The following CMPK2 variants were observed in gnomAD, a reference collection of about 807,000 sequenced individuals.
CMPK2 encodes cytidine/uridine monophosphate kinase 2, also known as UMP-CMP kinase 2, mitochondrial.
A neutral mutation model predicts 33.4 loss-of-function variants in CMPK2; 32 were observed. The observed-to-expected ratio is 0.96, with a 90% CI of 0.72 to 1.29. The LOEUF (loss-of-function observed/expected upper bound fraction) is 1.29, where lower values mean the gene tolerates loss of function less well. Ranked by LOEUF, CMPK2 falls within the 50% of genes most tolerant of loss-of-function variation. The pLI, the probability that CMPK2 is intolerant of heterozygous loss-of-function variation, is 0.00. For missense variants in CMPK2, 672 were observed against 616.0 expected (o/e 1.09, Z -0.96); for synonymous variants, 299 against 275.3 (o/e 1.09, Z -0.85).
chr2:6,860,172 A>G (rs1046900211), intron 3 of CMPK2, among the ~76,000 whole-genome samples: 1 of 152,206 alleles, frequency 6.6e-6, no homozygotes, highest in South Asian at 2.1e-4. Flanking sequence ...GCCTCACTGT[A>G]TCTAGGAAAT....
intron 3 of CMPK2, among the ~76,000 whole-genome samples, chr2:6,853,018 C>A (rs1224518848): frequency 6.6e-6 from 1 of 152,182 alleles, no homozygotes; most frequent in Non-Finnish European, 1.5e-5. Flanking sequence ...GGCACGATCT[C>A]AGCTCACTGC....
At chr2:6,840,776 C>T (rs1662210212) in intron 3 of CMPK2, 3 of 671,992 alleles carry the variant, frequency 4.5e-6, no homozygotes, top group Non-Finnish European at 8.1e-6. Context: ...ATTCTGATAA[C>T]TGTTTTAATT....
intron 3 of CMPK2, among the ~76,000 whole-genome samples, chr2:6,856,347 C>T (rs1662703175): frequency 6.6e-6 from 1 of 152,172 alleles, no homozygotes; most frequent in Non-Finnish European, 1.5e-5. Flanking sequence ...TAATATATGG[C>T]TATGGCAGTT....
chr2:6,855,314 T>C (rs1241059043), intron 3 of CMPK2, among the ~76,000 whole-genome samples: 3 of 48,140 alleles, frequency 6.2e-5, no homozygotes, highest in African/African-American at 1.1e-4. Flanking sequence ...CTCTCTCGCC[T>C]CTGCCTCTGC....
At position 6,861,288 on chromosome 2, in the gene CMPK2, A is replaced by G; in HGVS notation, c.888T>C (p.Asp296=). Residue 296 remains aspartate (D), a synonymous_variant, in exon 3 of 5, where the codon GAT becomes GAC. Transcript: ENST00000256722. ...CTCTTCTAATGATAGTTGGTTCATC[A>G]TCAAAGATCTTCCTCCACTGGCCAA... ...SCIGQWRKIF[D]DEPTIIRRAF... 1 of 1,614,122 alleles carries G rather than the reference A, an allele frequency of 6.2e-7. No individual in the cohort carries two copies. The highest frequency in any genetic ancestry group is 8.5e-7 in the Non-Finnish European group (1 of 1,179,972).
downstream of CMPK2, among the ~76,000 whole-genome samples, chr2:6,846,743 C>T (rs1297412369): frequency 6.6e-6 from 1 of 152,188 alleles, no homozygotes; most frequent in East Asian, 1.9e-4. Flanking sequence ...CTTCCAATCC[C>T]ACATGATGGC....
intron 3 of CMPK2, among the ~76,000 whole-genome samples, chr2:6,859,448 G>A (rs113893505): frequency 0.013 from 2,012 of 152,120 alleles, 51 homozygotes; most frequent in African/African-American, 0.047. Flanking sequence ...GGTTTAGAAG[G>A]AAAAAAATGG....
At chr2:6,859,293 C>T (rs959786668) in intron 3 of CMPK2, among the ~76,000 whole-genome samples, 21 of 152,140 alleles carry the variant, frequency 1.4e-4, no homozygotes, top group African/African-American at 4.3e-4. Context: ...AAAGAAAATC[C>T]CATTTTCTGA....
intron 3 of CMPK2, among the ~76,000 whole-genome samples, chr2:6,858,825 T>A (rs1210771747): frequency 6.6e-6 from 1 of 152,122 alleles, no homozygotes; most frequent in Non-Finnish European, 1.5e-5. Flanking sequence ...AGAAGTGGGG[T>A]GCTGCTGAAA....
intron 1 of CMPK2, among the ~76,000 whole-genome samples, 162 bp from the exon 2 acceptor site, chr2:6,863,740 AC>A (rs1368758057): frequency 6.6e-6 from 1 of 152,198 alleles, no homozygotes; most frequent in Non-Finnish European, 1.5e-5. Flanking sequence ...GCTAGGATGG[AC>A]TGGAGTGTTT....
Position 6,848,602 on chromosome 2 carries a change from A to G in CMPK2, c.*1248T>C. ...TAACATGAAACTTTATTAGAATTTA[A>G]GATTCTATATGCAGACCTGATAAAG... On this transcript the variant is annotated 3_prime_UTR_variant, in exon 5 of 5. Coordinates refer to ENST00000256722, the MANE Select transcript of CMPK2 (RefSeq NM_207315.4). 1 of 963,452 alleles carries G rather than the reference A, an allele frequency of 1.0e-6. No homozygotes were observed. Among genetic ancestry groups the G allele is most frequent in the Non-Finnish European group, 1.2e-6 (1 of 809,764 alleles). The allele number at this position is 963,452 out of a possible 1,614,324, so 59.7% of individuals were successfully genotyped here. A position where few individuals can be genotyped will look rare whatever the true frequency, so the allele number is the denominator to read the frequency against.
chr2:6,865,637 G>A lies in CMPK2; in HGVS notation c.60C>T (p.Arg20=). ...GAGCCATGGCCCCAGCGCAGACCCC[G>A]CGCCGCCCGAGCAGCGGCCCCGACA... is the stretch of plus-strand genomic sequence containing the variant. The part of the protein sequence containing the change: ...GPLSGPLLGR[R]GVCAGAMAPP... The change falls in exon 1 of 5, where the codon CGC becomes CGT. Residue 20 remains arginine, a synonymous_variant. Coordinates refer to ENST00000256722, the MANE Select transcript of CMPK2 (RefSeq NM_207315.4). The A allele has an allele frequency of 7.4e-7, 1 of 1,355,366 alleles. No homozygotes were observed. Among genetic ancestry groups the A allele is most frequent in the Non-Finnish European group, 9.5e-7 (1 of 1,057,594 alleles). The allele number at this position is 1,355,366 out of a possible 1,614,324, so 84.0% of individuals were successfully genotyped here.
At chr2:6,853,428 A>AT (rs1280526857) in intron 3 of CMPK2, among the ~76,000 whole-genome samples, 5 of 152,152 alleles carry the variant, frequency 3.3e-5, no homozygotes, top group African/African-American at 1.2e-4. Context: ...CTAAGCTAAT[A>AT]TAGCCTCCAT....
At chr2:6,845,639 G>C (rs971570289), downstream of CMPK2, among the ~76,000 whole-genome samples, 3 of 152,074 alleles carry the variant, frequency 2.0e-5, no homozygotes, top group African/African-American at 4.8e-5. Flanking sequence ...AACCCAAAAG[G>C]CTCCCAAAGT....
chr2:6,864,887 C>G, intron 1 of CMPK2, 135 bp downstream of exon 1: 1 of 1,259,886 alleles, frequency 7.9e-7, no homozygotes, highest in Non-Finnish European at 1.0e-6. Flanking sequence ...GACACCTTCC[C>G]TACCTGATTT....
chr2:6,845,038 G>C (rs62108090), downstream of CMPK2, among the ~76,000 whole-genome samples: 19,027 of 152,164 alleles, frequency 0.13, 1,639 homozygotes, highest in Non-Finnish European at 0.19. Flanking sequence ...TCTTTTGTAG[G>C]CTTGTCTGAC....
intron 3 of CMPK2, 143 bp downstream of exon 3, chr2:6,861,041 A>C (rs901759552): frequency 1.5e-6 from 1 of 652,666 alleles, no homozygotes; most frequent in Non-Finnish European, 2.7e-6. Flanking sequence ...TTATTATCAT[A>C]ATAACAGTTT....
At chr2:6,846,206 C>A (rs1662357506), downstream of CMPK2, among the ~76,000 whole-genome samples, 1 of 152,142 alleles carries the variant, frequency 6.6e-6, no homozygotes. Flanking sequence ...AGGTTGCCCC[C>A]ATAGCAAGCC....
rs1558325063 is a variant in CMPK2, at chr2:6,857,559, C to G, written c.992+3625G>C. Among the ~76,000 whole-genome samples the G allele has an allele frequency of 8.6e-5, 13 of 151,900 alleles. No individual in the cohort carries two copies. In the South Asian group the frequency reaches 2.7e-3, roughly 32 times the overall value. On this transcript the variant is annotated intron_variant, in intron 3 of 4. Coordinates refer to ENST00000256722, the MANE Select transcript of CMPK2 (RefSeq NM_207315.4). ...TCTTGAACTCTTGGGCTCAAGCACT[C>G]TTCCCACCTCAGCCTTCCAAAGTGC... is the stretch of plus-strand genomic sequence containing the variant.
Sources: allele counts gnomAD v4.1 joint callset (sites outside exome capture counted in the v4.1 genomes callset), GRCh38; gene constraint gnomAD v4.1.1; transcripts MANE v1.5; gene names NCBI Gene and HGNC (gene_info 2026-07-23, HGNC 2026-07-21).